KIF26B: variants seen among roughly 807,000 people sequenced by gnomAD.
KIF26B encodes the protein kinesin-like protein KIF26B.
In KIF26B, 63 loss-of-function variants were observed where a neutral mutation model predicts 151.2. The ratio of observed to expected loss-of-function variants is 0.42; its 90% CI spans 0.34 to 0.51. The LOEUF is 0.51. Ranked by LOEUF, KIF26B falls within the 20% of genes least tolerant of loss-of-function variation. KIF26B has a pLI of 0.07. For missense variants in KIF26B, 2,813 were observed against 2,913.6 expected (o/e 0.97, Z 0.79); for synonymous variants, 1,357 against 1,262.1 (o/e 1.08, Z -1.59).
intron 10 of KIF26B, among the ~76,000 whole-genome samples, chr1:245,650,458 G>C (rs1387376995): frequency 6.6e-6 from 1 of 152,240 alleles, no homozygotes; most frequent in Admixed American, 6.5e-5. Flanking sequence ...CGGCTAACGG[G>C]TGTTATGTCC....
chr1:245,596,941 C>T (rs1395333988), intron 5 of KIF26B, among the ~76,000 whole-genome samples: 1 of 152,086 alleles, frequency 6.6e-6, no homozygotes, highest in East Asian at 1.9e-4. Flanking sequence ...TTTTATCAGA[C>T]ACTACGACCG....
intron 10 of KIF26B, among the ~76,000 whole-genome samples, chr1:245,668,555 C>G (rs1335078771): frequency 6.6e-6 from 1 of 152,178 alleles, no homozygotes; most frequent in Non-Finnish European, 1.5e-5. Flanking sequence ...TAATGGAAAG[C>G]ATTCTTCAGC....
At chr1:245,399,319 A>G (rs1673937009) in intron 3 of KIF26B, among the ~76,000 whole-genome samples, 1 of 152,216 alleles carries the variant, frequency 6.6e-6, no homozygotes, top group African/African-American at 2.4e-5. Flanking sequence ...TCTGGAGTCC[A>G]GACTCACTCC....
intron 3 of KIF26B, chr1:245,371,429 G>A (rs1171495304): frequency 6.6e-6 from 1 of 152,162 alleles, no homozygotes; most frequent in East Asian, 1.9e-4. Context: ...AGAGCAGATG[G>A]CCTCTGGATC....
In KIF26B at chr1:245,366,930, G is replaced by T; in HGVS notation, c.562G>T (p.Ala188Ser). The change falls in exon 3 of 15, where the codon GCC becomes TCC. Residue 188 changes from alanine to serine, a missense_variant. This residue lies in a region of KIF26B where 676 missense variants were observed against 688.1 expected (regional missense o/e 0.98). Transcript: ENST00000407071. ...NDRDNRCDIC[A>S]THLNQLKQEA... ...CCGGGACAACCGCTGTGACATTTGC[G>T]CCACTCACCTGAACCAGTTGAAGCA... is the stretch of plus-strand genomic sequence containing the variant. 6.2e-7 allele frequency: 1 copy of T among 1,614,024 alleles called. No homozygotes were observed. The highest frequency in any genetic ancestry group is 8.5e-7 in the Non-Finnish European group (1 of 1,179,900).
intron 5 of KIF26B, among the ~76,000 whole-genome samples, chr1:245,549,126 C>T (rs985932292): frequency 5.3e-5 from 8 of 151,852 alleles, no homozygotes; most frequent in Non-Finnish European, 1.0e-4. Context: ...TGTGTGTGCA[C>T]GTGTGTGTGT....
At chr1:245,220,146 T>C (rs1669734845) in intron 2 of KIF26B, among the ~76,000 whole-genome samples, 1 of 152,078 alleles carries the variant, frequency 6.6e-6, no homozygotes, top group Non-Finnish European at 1.5e-5. Context: ...CAGTGGGTAA[T>C]TTGGGGGGTG....
intron 2 of KIF26B, among the ~76,000 whole-genome samples, chr1:245,245,842 C>T (rs2103562353): frequency 6.7e-6 from 1 of 150,198 alleles, no homozygotes; most frequent in East Asian, 2.0e-4. Context: ...CAGAGAATTG[C>T]TTGAACCCAA....
chr1:245,492,557 AC>A (rs1660429830), intron 4 of KIF26B, among the ~76,000 whole-genome samples: 2 of 152,210 alleles, frequency 1.3e-5, no homozygotes, highest in Admixed American at 6.5e-5. Flanking sequence ...TAAAAGAAAA[AC>A]AAAGGCGGCA....
chr1:245,620,636 A>G (rs2043648002), intron 9 of KIF26B, among the ~76,000 whole-genome samples: 1 of 152,138 alleles, frequency 6.6e-6, no homozygotes, highest in African/African-American at 2.4e-5. Context: ...TCCTGAGCTC[A>G]GGCGATCCAC....
intron 2 of KIF26B, among the ~76,000 whole-genome samples, chr1:245,280,050 A>G (rs1192274541): frequency 6.6e-6 from 1 of 151,962 alleles, no homozygotes; most frequent in Admixed American, 6.6e-5. Flanking sequence ...TGCTTCTGTG[A>G]GTTGGGTGAT....
intron 10 of KIF26B, among the ~76,000 whole-genome samples, chr1:245,666,490 G>T (rs2044216838): frequency 6.6e-6 from 1 of 152,076 alleles, no homozygotes; most frequent in African/African-American, 2.4e-5. Flanking sequence ...GCCCTTGGAG[G>T]GGTTCCTGTA....
chr1:245,644,821 C>T (rs1446348902), intron 9 of KIF26B, among the ~76,000 whole-genome samples: 1 of 152,158 alleles, frequency 6.6e-6, no homozygotes, highest in South Asian at 2.1e-4. Context: ...TTGTGTTAGT[C>T]CCTTTTGCAT....
rs1404212142 is a variant in KIF26B, at chr1:245,706,580, C to T, written c.*3974C>T. ...GTTCTTTCCTGCTGGACTAGTAACC[C>T]ATTCTTGGAGCACACACAGAGTCCC... On this transcript the variant is annotated 3_prime_UTR_variant, in exon 15 of 15. Coordinates refer to ENST00000407071, the MANE Select transcript of KIF26B (RefSeq NM_018012.4). 6.6e-6 allele frequency: 1 copy of T among 152,174 alleles called. No individual in the cohort carries two copies. The highest frequency in any genetic ancestry group is 2.4e-5 in the African/African-American group (1 of 41,436). The allele number at this position is 152,174 out of a possible 1,614,324, so 9.4% of individuals were successfully genotyped here. A position where few individuals can be genotyped will look rare whatever the true frequency, so the allele number is the denominator to read the frequency against.
intron 3 of KIF26B, among the ~76,000 whole-genome samples, chr1:245,376,940 A>G (rs912466542): frequency 2.6e-5 from 4 of 152,076 alleles, no homozygotes; most frequent in African/African-American, 4.8e-5. Flanking sequence ...TGCCTGCCTC[A>G]GCCTCCCAAA....
intron 2 of KIF26B, among the ~76,000 whole-genome samples, chr1:245,248,408 TC>T (rs1344354766): frequency 1.3e-5 from 2 of 152,174 alleles, no homozygotes; most frequent in Non-Finnish European, 2.9e-5. Flanking sequence ...GCATTCTGCT[TC>T]CGTAACTGTC....
chr1:245,366,055 G>A (rs1043959559), intron 2 of KIF26B, among the ~76,000 whole-genome samples: 3 of 152,204 alleles, frequency 2.0e-5, no homozygotes, highest in Admixed American at 6.5e-5. Flanking sequence ...ACCTCTGTTC[G>A]AGGTTGCAAG....
At chr1:245,580,851 G>A (rs767456969) in intron 5 of KIF26B, among the ~76,000 whole-genome samples, 6 of 152,190 alleles carry the variant, frequency 3.9e-5, no homozygotes, top group Admixed American at 3.9e-4. Flanking sequence ...CCTGTTTGCT[G>A]TCCTCCTTCC....
At chr1:245,541,209 T>C (rs1001689468) in intron 5 of KIF26B, among the ~76,000 whole-genome samples, 3 of 152,134 alleles carry the variant, frequency 2.0e-5, no homozygotes, top group Non-Finnish European at 4.4e-5. Flanking sequence ...GACAGAATCG[T>C]AGCCATTTAA....
Sources: allele counts gnomAD v4.1 joint callset (sites outside exome capture counted in the v4.1 genomes callset), GRCh38; gene constraint gnomAD v4.1.1; regional missense constraint gnomAD v4.1.1; transcripts MANE v1.5; gene names NCBI Gene and HGNC (gene_info 2026-07-23, HGNC 2026-07-21).